The following PLA2G6 variants were observed in gnomAD, a reference collection of about 807,000 sequenced individuals.
The protein encoded by PLA2G6 is phospholipase A2 group VI.
A neutral mutation model predicts 83.8 loss-of-function variants in PLA2G6; 62 were observed. That is an observed-to-expected ratio of 0.74 (90% CI 0.60 to 0.91). The LOEUF (loss-of-function observed/expected upper bound fraction) is 0.91. PLA2G6 is among the 40% of genes least tolerant of loss of function. The pLI, the probability that PLA2G6 is intolerant of heterozygous loss-of-function variation, is 0.00. For synonymous variants in PLA2G6, 417 were observed against 449.8 expected (o/e 0.93, Z 0.92); for missense variants, 944 against 1,102.0 (o/e 0.86, Z 2.03).
rs1181131674 is a variant in PLA2G6 at position 38,123,814 on chromosome 22, A to T, written c.1428-556T>A. 6.6e-6 allele frequency among the ~76,000 whole-genome samples: 1 copy of T among 152,124 alleles called. No homozygotes were observed. Among genetic ancestry groups the T allele is most frequent in the East Asian group, 1.9e-4 (1 of 5,198 alleles). ...CATGTCATTGTCCCAAACGCCTCTG[A>T]GGCAGACCCTCCCTGACATCCCTGT... is the stretch of plus-strand genomic sequence containing the variant. On this transcript the variant is annotated intron_variant, in intron 10 of 16. Transcript: ENST00000332509. The surrounding 1 kb of genome is among the most constrained non-coding windows in gnomAD (Gnocchi z 4.1).
rs776753796 is a variant in PLA2G6, at chr22:38,140,111, G to A, written c.668C>T (p.Pro223Leu). ...CCCCAGCTGGCAGGCCAGGTGCAGC[G>A]GGGTCAGCCCTTGGTTATTCACCTG... ...LNQVNNQGLT[P>L]LHLACQLGKQ... is the part of the protein sequence containing the mutation. The change falls in exon 5 of 17, where the codon CCG (proline) becomes CTG (leucine). Residue 223 changes from proline (P) to leucine (L), a missense_variant. Coordinates refer to ENST00000332509, the MANE Select transcript of PLA2G6 (RefSeq NM_003560.4). 6 of 1,614,122 alleles carry A rather than the reference G, an allele frequency of 3.7e-6. No homozygotes were observed. Among genetic ancestry groups the A allele is most frequent in the East Asian group, 4.5e-5 (2 of 44,886 alleles).
In PLA2G6 at chr22:38,145,419, G is replaced by A. The variant is rs1484773432; in HGVS notation, c.425+19C>T. 4.4e-6 allele frequency: 7 copies of A among 1,583,966 alleles called. No individual in the cohort carries two copies. In the African/African-American group the frequency reaches 6.7e-5, roughly 15 times the overall value. On this transcript the variant is annotated intron_variant, in intron 3 of 16. Transcript: ENST00000332509. ...CAGGTACACACACGTTGTCCAAATG[G>A]TCTTGTTCCCTTGCTCACCTGATGA...
intron 2 of PLA2G6, 180 bp from the exon 3 acceptor site, chr22:38,145,833 A>ACCCC (rs1370786165): frequency 1.7e-6 from 1 of 594,072 alleles, no homozygotes; most frequent in Admixed American, 2.5e-5. Context: ...ACACACACAC[A>ACCCC]CCCCTATACA....
At chr22:38,134,928 C>T in intron 6 of PLA2G6, 60 bp downstream of exon 6, 1 of 1,256,136 alleles carries the variant, frequency 8.0e-7, no homozygotes, top group South Asian at 1.2e-5. Context: ...TTCCTGAGGG[C>T]CCTGAGGACC....
chr22:38,113,725 G>C, intron 14 of PLA2G6, 71 bp from the exon 15 acceptor site: 1 of 1,440,102 alleles, frequency 6.9e-7, no homozygotes, highest in Non-Finnish European at 9.7e-7. Context: ...GGAGCGTCAA[G>C]GGGAGGCCCA....
At chr22:38,154,369 C>T (rs534699702) in intron 2 of PLA2G6, among the ~76,000 whole-genome samples, 4 of 152,204 alleles carry the variant, frequency 2.6e-5, no homozygotes, top group Non-Finnish European at 4.4e-5. Flanking sequence ...GTGCCTGTGT[C>T]ACCCCTCTCC....
chr22:38,155,222 A>C (rs945146708), intron 2 of PLA2G6, among the ~76,000 whole-genome samples: 1 of 151,388 alleles, frequency 6.6e-6, no homozygotes, highest in African/African-American at 2.4e-5. Context: ...GCAAGACTCC[A>C]TCTCAAAAAA....
At chr22:38,144,347 G>A (rs2089105894) in intron 3 of PLA2G6, 1 of 152,348 alleles carries the variant, frequency 6.6e-6, no homozygotes, top group South Asian at 2.1e-4. Flanking sequence ...GATGATACCT[G>A]GGCCGGGCAT....
Position 38,132,880 on chromosome 22 carries a change from G to T in PLA2G6, c.1028C>A (p.Ala343Glu), listed in dbSNP as rs1162944680. 6.4e-7 allele frequency: 1 copy of T among 1,553,988 alleles called. No individual in the cohort carries two copies. Among genetic ancestry groups the T allele is most frequent in the Non-Finnish European group, 8.7e-7 (1 of 1,149,682 alleles). The change falls in exon 7 of 17, where the codon GCG becomes GAG. Residue 343 changes from alanine (A) to glutamate (E), a missense_variant. Physicochemically the swap from Ala to Glu is moderately radical, Grantham distance 107. Coordinates refer to ENST00000332509, the MANE Select transcript of PLA2G6 (RefSeq NM_003560.4). The surrounding 1 kb of genome is among the most constrained non-coding windows in gnomAD (Gnocchi z 5.0). ...GTTGCCGTGCTCTCCGCGGGCATCC[G>T]CGTTGGCCCCGTGGGTCAGCAGCAC... ...AIVLLTHGAN[A>E]DARGEHGNTP... is the part of the protein sequence containing the mutation.
chr22:38,181,290 C>G (rs970589892), intron 1 of PLA2G6, among the ~76,000 whole-genome samples: 3 of 151,996 alleles, frequency 2.0e-5, no homozygotes, highest in East Asian at 3.9e-4. Flanking sequence ...GGAGGAAAGG[C>G]AGGAGAAGCA....
chr22:38,181,748 G>A lies in PLA2G6; in HGVS notation c.-130C>T, dbSNP rs11570597. ...GGAGCGCCGAGGAAGTTGGGGAACG[G>A]ACCCCCAGGCCCCGCCCACCCGCGA... On this transcript the variant is annotated 5_prime_UTR_variant, in exon 1 of 17. Coordinates refer to ENST00000332509, the MANE Select transcript of PLA2G6 (RefSeq NM_003560.4). The A allele has an allele frequency of 0.01, 1,596 of 152,354 alleles. 19 individuals are homozygous for A. Among genetic ancestry groups the A allele is most frequent in the Admixed American group, 0.016 (252 of 15,300 alleles). 9.4% of individuals were successfully genotyped at this position (152,354 alleles called of 1,614,324 possible).
chr22:38,166,407 AAAAT>A (rs1485896520), intron 2 of PLA2G6, among the ~76,000 whole-genome samples: 1 of 152,192 alleles, frequency 6.6e-6, no homozygotes, highest in Non-Finnish European at 1.5e-5. Context: ...TATGACTGTG[AAAAT>A]AAATAAATCA....
At chr22:38,151,150 A>T (rs914220638) in intron 2 of PLA2G6, among the ~76,000 whole-genome samples, 2 of 152,224 alleles carry the variant, frequency 1.3e-5, no homozygotes, top group Admixed American at 6.5e-5. Flanking sequence ...TTCAAGAATA[A>T]GGTTAAAATT....
chr22:38,175,795 G>A (rs958168021), intron 1 of PLA2G6, among the ~76,000 whole-genome samples: 3 of 152,176 alleles, frequency 2.0e-5, no homozygotes, highest in African/African-American at 7.2e-5. Flanking sequence ...CTGTTGGCTT[G>A]GGCTGCTCAC....
rs370771777 is a variant in PLA2G6 at position 38,135,103 on chromosome 22, C to T, written c.798-19G>A. On this transcript the variant is annotated intron_variant, in intron 5 of 16. Coordinates refer to ENST00000332509, the MANE Select transcript of PLA2G6 (RefSeq NM_003560.4). ...CGCACACCTGGTGAGAGAGGGGCCCCGGTTGGTGAGCAGAAGCTAGGGTCT... is the reference window on the plus strand; with the variant it reads ...CGCACACCTGGTGAGAGAGGGGCCCTGGTTGGTGAGCAGAAGCTAGGGTCT... The T allele has an allele frequency of 3.0e-5, 48 of 1,589,870 alleles. No homozygotes were observed. In the African/African-American group the frequency reaches 5.1e-4, roughly 17 times the overall value.
In PLA2G6 at chr22:38,120,746, C is replaced by T. The variant is rs199853500; in HGVS notation, c.1742+13G>A. 36 of 1,613,312 alleles carry T rather than the reference C, an allele frequency of 2.2e-5. No individual in the cohort carries two copies. The highest frequency in any genetic ancestry group is 5.3e-5 in the African/African-American group (4 of 75,058). ...CACAGCTGCGGCCACGGCCCCAGTG[C>T]GCCAGGGCTTACTTGGGTTTCCTGA... On this transcript the variant is annotated intron_variant, in intron 12 of 16. Coordinates refer to ENST00000332509, the MANE Select transcript of PLA2G6 (RefSeq NM_003560.4).
chr22:38,127,243 A>G (rs1477928157), intron 9 of PLA2G6: 7 of 1,219,704 alleles, frequency 5.7e-6, no homozygotes, highest in Non-Finnish European at 7.4e-6. Context: ...ACGGCTCCAC[A>G]GTGAACAAGG....
At chr22:38,157,738 T>C (rs144093769) in intron 2 of PLA2G6, among the ~76,000 whole-genome samples, 8 of 152,018 alleles carry the variant, frequency 5.3e-5, no homozygotes, top group Admixed American at 5.2e-4. Context: ...AACAACACAT[T>C]AAAAAGGTCA....
intron 1 of PLA2G6, among the ~76,000 whole-genome samples, chr22:38,178,210 C>T (rs2090710873): frequency 6.6e-6 from 1 of 152,148 alleles, no homozygotes; most frequent in Admixed American, 6.5e-5. Flanking sequence ...TTATGACTCA[C>T]TCCACAAATA....
Sources: gnomAD v4.1 joint callset for allele counts (sites outside exome capture counted in the v4.1 genomes callset) on GRCh38, gnomAD v4.1.1 for gene constraint, Gnocchi (gnomAD v3.1) non-coding constraint, MANE v1.5 for transcripts, NCBI Gene and HGNC (gene_info 2026-07-23, HGNC 2026-07-21) for gene names.